The following FBXO36 variants were observed in gnomAD, a reference collection of about 807,000 sequenced individuals.
FBXO36 encodes the protein F-box protein 36.
Under a neutral mutation model 17.0 loss-of-function variants are expected in FBXO36, and 18 were observed. That is an observed-to-expected ratio of 1.06 (90% CI 0.73 to 1.57). The LOEUF (loss-of-function observed/expected upper bound fraction) is 1.57. Ranked by LOEUF, FBXO36 falls within the 40% of genes most tolerant of loss-of-function variation. The probability of loss-of-function intolerance (pLI) is 0.00; values close to 1 mark genes in which losing one functional copy is unlikely to be tolerated. For missense variants in FBXO36, 229 were observed against 221.9 expected (o/e 1.03, Z -0.20); for synonymous variants, 83 against 85.3 (o/e 0.97, Z 0.15).
chr2:230,010,857 T>C lies in FBXO36; in HGVS notation c.540T>C (p.Tyr180=), dbSNP rs747207517. ...AGCTCCGCAAGAGGAAACAAAAATA[T>C]GGAAACCTGAGAGAAAAGCAACCTT... The part of the protein sequence containing the change: ...QRQLRKRKQK[Y]GNLREKQP Residue 180 remains tyrosine (Y), a synonymous_variant, in exon 4 of 4, where the codon TAT becomes TAC. Transcript: ENST00000283946. The C allele has an allele frequency of 3.1e-6, 5 of 1,612,644 alleles. No homozygotes were observed. The highest frequency in any genetic ancestry group is 4.2e-6 in the Non-Finnish European group (5 of 1,179,188).
At chr2:229,970,931 C>G (rs1272488500) in intron 1 of FBXO36, among the ~76,000 whole-genome samples, 1 of 152,002 alleles carries the variant, frequency 6.6e-6, no homozygotes, top group Non-Finnish European at 1.5e-5. Flanking sequence ...GTGATGAAAA[C>G]CATTGTCTTA....
intron 1 of FBXO36, among the ~76,000 whole-genome samples, chr2:229,963,877 C>T (rs1308517101): frequency 6.6e-6 from 1 of 152,164 alleles, no homozygotes; most frequent in Non-Finnish European, 1.5e-5. Flanking sequence ...ACATTTTGTA[C>T]CACAGTGGTG....
rs143809161 is a variant in FBXO36 at position 229,981,612 on chromosome 2, G to T, written c.205+5263G>T. Among the ~76,000 whole-genome samples, 786 of 149,958 alleles carry T rather than the reference G, an allele frequency of 5.2e-3. 5 individuals carry two copies. The highest frequency in any genetic ancestry group is 0.018 in the African/African-American group (734 of 40,776). The stretch of plus-strand genomic sequence containing the variant: ...AGTTACTCAGGAGGCTGAGGTGGAA[G>T]GATCACCTGAGCCTGGGAGGTCCAG... On this transcript the variant is annotated intron_variant, in intron 2 of 3. Transcript: ENST00000283946.
rs2077416089 is a variant in FBXO36 at position 230,011,598 on chromosome 2, C to CTTTTATTTTTTTTTTTT, written c.*718_*719insATTTTTTTTTTTTTTTT. The CTTTTATTTTTTTTTTTT allele has an allele frequency of 8.1e-6, 1 of 123,442 alleles. No homozygotes were observed. Among genetic ancestry groups the CTTTTATTTTTTTTTTTT allele is most frequent in the African/African-American group, 3.1e-5 (1 of 32,180 alleles). The allele number at this position is 123,442 out of a possible 1,614,324, so 7.6% of individuals were successfully genotyped here. On this transcript the variant is annotated 3_prime_UTR_variant, in exon 4 of 4. Coordinates refer to ENST00000283946, the MANE Select transcript of FBXO36 (RefSeq NM_174899.5). ...AACCTATAAACATTTCTTTTCTTTT[C>CTTTTATTTTTTTTTTTT]TTTTTTTTTTTTTTTTTGTATTTTC... is the stretch of plus-strand genomic sequence containing the variant.
intron 1 of FBXO36, among the ~76,000 whole-genome samples, chr2:229,943,456 G>A (rs1408785240): frequency 2.6e-5 from 4 of 152,136 alleles, no homozygotes; most frequent in Admixed American, 6.6e-5. Context: ...GCTGTGGGAC[G>A]GGCAGTGTGA....
At chr2:230,001,271 T>C (rs2077357047) in intron 3 of FBXO36, among the ~76,000 whole-genome samples, 1 of 152,048 alleles carries the variant, frequency 6.6e-6, no homozygotes, top group African/African-American at 2.4e-5. Context: ...CATTTATAAG[T>C]TATTTTCTTT....
At chr2:229,977,386 T>C (rs2077214948) in intron 2 of FBXO36, among the ~76,000 whole-genome samples, 1 of 152,154 alleles carries the variant, frequency 6.6e-6, no homozygotes, top group South Asian at 2.1e-4. Flanking sequence ...CCCAATTAAT[T>C]ATTTTAACAC....
intron 2 of FBXO36, among the ~76,000 whole-genome samples, chr2:229,980,611 G>A (rs1431598794): frequency 2.6e-5 from 4 of 151,948 alleles, no homozygotes; most frequent in East Asian, 3.9e-4. Context: ...AGATTGGGGG[G>A]AGGGGTCAAG....
At chr2:229,989,553 G>A (rs1000188954) in intron 2 of FBXO36, among the ~76,000 whole-genome samples, 8 of 151,670 alleles carry the variant, frequency 5.3e-5, no homozygotes, top group East Asian at 1.9e-4. Context: ...CACCACGCCC[G>A]GCCATGATAT....
intron 1 of FBXO36, among the ~76,000 whole-genome samples, chr2:229,972,311 A>G (rs981702784): frequency 1.3e-5 from 2 of 152,056 alleles, no homozygotes; most frequent in African/African-American, 4.8e-5. Context: ...CAAGTATGCA[A>G]TTTTTAACAA....
At chr2:229,942,981 A>G (rs2077007683) in intron 1 of FBXO36, 1 of 152,196 alleles carries the variant, frequency 6.6e-6, no homozygotes, top group Admixed American at 6.6e-5. Context: ...TATGGTCCAA[A>G]TAGTCTCATA....
chr2:229,939,604 C>T (rs2076986500), intron 1 of FBXO36, among the ~76,000 whole-genome samples: 1 of 151,920 alleles, frequency 6.6e-6, no homozygotes, highest in Non-Finnish European at 1.5e-5. Context: ...GAGCGCGATT[C>T]TGCCTCAAAA....
chr2:229,934,284 C>G (rs1259207103), intron 1 of FBXO36, among the ~76,000 whole-genome samples: 2 of 152,010 alleles, frequency 1.3e-5, no homozygotes, highest in Non-Finnish European at 2.9e-5. Context: ...GCCTGTAGTC[C>G]CAGCTACTCG....
intron 1 of FBXO36, among the ~76,000 whole-genome samples, chr2:229,925,445 A>G (rs1214303219): frequency 6.6e-6 from 1 of 152,216 alleles, no homozygotes; most frequent in Non-Finnish European, 1.5e-5. Flanking sequence ...TGACATAAAT[A>G]AGTACTAAAA....
intron 1 of FBXO36, among the ~76,000 whole-genome samples, chr2:229,954,256 T>TTTTTTTG (rs2077073070): frequency 8.7e-6 from 1 of 114,750 alleles, no homozygotes; most frequent in Admixed American, 9.3e-5. Flanking sequence ...TTTTTTTTTT[T>TTTTTTTG]TTTTGAGACA....
At chr2:229,941,858 A>G (rs530406658) in intron 1 of FBXO36, among the ~76,000 whole-genome samples, 17 of 152,122 alleles carry the variant, frequency 1.1e-4, no homozygotes, top group African/African-American at 3.9e-4. Flanking sequence ...CTCTACTAAA[A>G]TACAAAAATT....
intron 1 of FBXO36, among the ~76,000 whole-genome samples, chr2:229,948,900 C>G (rs751764241): frequency 5.3e-5 from 8 of 152,188 alleles, no homozygotes; most frequent in Non-Finnish European, 8.8e-5. Context: ...GTGGCATGAT[C>G]TCAGCTCACT....
At chr2:230,002,430 C>T (rs1392932873) in intron 3 of FBXO36, among the ~76,000 whole-genome samples, 3 of 150,566 alleles carry the variant, frequency 2.0e-5, no homozygotes, top group African/African-American at 2.4e-5. Context: ...GTTACACAGT[C>T]TGGAGTGCAA....
At chr2:230,002,994 C>T (rs1056844841) in intron 3 of FBXO36, among the ~76,000 whole-genome samples, 3 of 151,848 alleles carry the variant, frequency 2.0e-5, no homozygotes, top group African/African-American at 7.3e-5. Flanking sequence ...GGATGGATCA[C>T]GAGGTCAGGA....
Sources: allele counts gnomAD v4.1 joint callset (sites outside exome capture counted in the v4.1 genomes callset), GRCh38; gene constraint gnomAD v4.1.1; transcripts MANE v1.5; gene names NCBI Gene and HGNC (gene_info 2026-07-23, HGNC 2026-07-21).